The following PCSK1 variants were observed in gnomAD, a reference collection of about 807,000 sequenced individuals.
PCSK1 encodes proprotein convertase subtilisin/kexin type 1, also known as neuroendocrine convertase 1.
PCSK1 carries 56 observed loss-of-function variants against 90.6 expected under a neutral mutation model. The ratio of observed to expected loss-of-function variants is 0.62; its 90% CI spans 0.50 to 0.77. PCSK1 has a LOEUF of 0.77. Ranked by LOEUF, PCSK1 falls within the 30% of genes least tolerant of loss-of-function variation. PCSK1 has a pLI of 0.00. For synonymous variants in PCSK1, 348 were observed against 342.4 expected, an observed-to-expected ratio of 1.02 and a Z score of -0.18; for missense variants, 801 against 932.6, an observed-to-expected ratio of 0.86 and a Z score of 1.84.
rs768098698 is a variant in PCSK1, at chr5:96,431,015, G to T, written c.181-1698C>A. Among the ~76,000 whole-genome samples the T allele has an allele frequency of 3.9e-5, 6 of 152,272 alleles. No individual in the cohort carries two copies. In the East Asian group the frequency reaches 9.6e-4, roughly 24 times the overall value. On this transcript the variant is annotated intron_variant, in intron 1 of 13. Coordinates refer to ENST00000311106, the MANE Select transcript of PCSK1 (RefSeq NM_000439.5). ...GAAAAAGAAGAGAGATTTAGTTTTT[G>T]CTGTCTTCCCCAGTCTCCTCCTACA...
At chr5:96,399,626 A>T (rs1437729051) in intron 10 of PCSK1, among the ~76,000 whole-genome samples, 6 of 152,166 alleles carry the variant, frequency 3.9e-5, no homozygotes, top group African/African-American at 7.2e-5. Flanking sequence ...GATGCATTTT[A>T]AAAAAATAGT....
At chr5:96,411,072 G>T in intron 7 of PCSK1, 86 bp from the exon 8 acceptor site, 7 of 964,700 alleles carry the variant, frequency 7.3e-6, no homozygotes, top group Non-Finnish European at 1.2e-5. Flanking sequence ...ACGACTACAT[G>T]TGTGAAATTC....
At chr5:96,415,898 T>G in intron 6 of PCSK1, 135 bp downstream of exon 6, 1 of 688,522 alleles carries the variant, frequency 1.5e-6, no homozygotes, top group Non-Finnish European at 2.7e-6. Flanking sequence ...CATATTCAAG[T>G]CCTGTAGCAA....
intron 4 of PCSK1, among the ~76,000 whole-genome samples, chr5:96,422,584 C>A (rs758928052): frequency 9.8e-5 from 15 of 152,302 alleles, no homozygotes; most frequent in Admixed American, 2.6e-4. Flanking sequence ...ATATTTCAAT[C>A]ATTCCTAATT....
At chr5:96,424,371 G>A (rs1238419210) in intron 3 of PCSK1, among the ~76,000 whole-genome samples, 1 of 152,114 alleles carries the variant, frequency 6.6e-6, no homozygotes, top group African/African-American at 2.4e-5. Context: ...AGAGAAGAAG[G>A]CCTCTATGTC....
At chr5:96,416,001 T>C (rs190056821) in intron 6 of PCSK1, 32 bp downstream of exon 6, 176 of 1,369,060 alleles carry the variant, frequency 1.3e-4, no homozygotes, top group Non-Finnish European at 1.4e-5. Flanking sequence ...CACATTAAAA[T>C]GCCAAGCTAT....
intron 12 of PCSK1, among the ~76,000 whole-genome samples, chr5:96,396,561 C>CAAAA (rs368951852): frequency 2.3e-4 from 28 of 122,422 alleles, no homozygotes; most frequent in Admixed American, 2.4e-4. Context: ...GACTCCGTCT[C>CAAAA]AAAAAAAAAA....
At chr5:96,427,053 G>T (rs958393206) in intron 2 of PCSK1, among the ~76,000 whole-genome samples, 3 of 152,184 alleles carry the variant, frequency 2.0e-5, no homozygotes, top group Non-Finnish European at 4.4e-5. Flanking sequence ...GAAGCTGACT[G>T]CTAGGGAATA....
Position 96,433,138 on chromosome 5 carries a change from G to T in PCSK1, c.-96C>A, listed in dbSNP as rs35753085. On this transcript the variant is annotated 5_prime_UTR_variant, in exon 1 of 14. Transcript: ENST00000311106. ...ACAGACTCCCCCTTCCCACCCTCGG[G>T]CTCTAGACCACTCCTGGCTCCTGGT... The T allele has an allele frequency of 2.8e-5, 32 of 1,157,662 alleles. No homozygotes were observed. The highest frequency in any genetic ancestry group is 6.8e-5 in the Admixed American group (4 of 58,526). 71.7% of individuals were successfully genotyped at this position (1,157,662 alleles called of 1,614,324 possible).
At chr5:96,401,887 T>C (rs917576925) in intron 9 of PCSK1, among the ~76,000 whole-genome samples, 3 of 152,220 alleles carry the variant, frequency 2.0e-5, no homozygotes, top group Admixed American at 6.5e-5. Context: ...AGACTGAACA[T>C]GCCTAAGTGC....
At position 96,412,418 on chromosome 5, in the gene PCSK1, A is replaced by C. The variant is rs139602265; in HGVS notation, c.782T>G (p.Val261Gly). The C allele has an allele frequency of 6.2e-7, 1 of 1,613,900 alleles. No homozygotes were observed. The highest frequency in any genetic ancestry group is 2.2e-5 in the East Asian group (1 of 44,882). ...GCCCCAGCTTGCACTGTAAATATCC[A>C]CGTGTCCAGGATTGAATCCAATTGA... ...ASSIGFNPGH[V>G]DIYSASWGPN... The change falls in exon 7 of 14, where the codon GTG becomes GGG. Residue 261 changes from valine (V) to glycine (G), a missense_variant. Val to Gly is a moderately radical substitution (Grantham distance 109). Coordinates refer to ENST00000311106, the MANE Select transcript of PCSK1 (RefSeq NM_000439.5).
At chr5:96,427,464 A>G (rs1761344923) in intron 2 of PCSK1, among the ~76,000 whole-genome samples, 1 of 152,172 alleles carries the variant, frequency 6.6e-6, no homozygotes, top group Non-Finnish European at 1.5e-5. Flanking sequence ...TCAACCTTCC[A>G]ATGCAAGTTT....
intron 9 of PCSK1, among the ~76,000 whole-genome samples, chr5:96,407,639 C>T (rs1476956817): frequency 6.6e-6 from 1 of 152,154 alleles, no homozygotes; most frequent in African/African-American, 2.4e-5. Context: ...CTAATATTTA[C>T]TGACAATGGT....
chr5:96,400,839 G>A (rs1760333026), intron 9 of PCSK1, among the ~76,000 whole-genome samples: 1 of 139,962 alleles, frequency 7.1e-6, no homozygotes, highest in Non-Finnish European at 1.5e-5. Flanking sequence ...TGTAATCCCA[G>A]CACTTTGGGA....
intron 5 of PCSK1, among the ~76,000 whole-genome samples, chr5:96,417,112 G>A (rs1361790537): frequency 1.3e-5 from 2 of 152,146 alleles, no homozygotes; most frequent in Non-Finnish European, 2.9e-5. Context: ...AATAATGTTG[G>A]CCAGTTACAT....
In PCSK1 at chr5:96,416,069, A is replaced by G; in HGVS notation, c.673T>C (p.Cys225Arg). The change falls in exon 6 of 14, where the codon TGC becomes CGC. Residue 225 changes from cysteine to arginine, a missense_variant. Physicochemically the swap from Cys to Arg is radical, Grantham distance 180 (BLOSUM62 -3). Coordinates refer to ENST00000311106, the MANE Select transcript of PCSK1 (RefSeq NM_000439.5). ...EIAMQANNHK[C>R]GVGVAYNSKV... ...GAATTGTATGCAACTCCAACCCCGCATTTGTGATTATTTGCTTGCATGGCA... is the reference window on the plus strand; with the variant it reads ...GAATTGTATGCAACTCCAACCCCGCGTTTGTGATTATTTGCTTGCATGGCA... 6.2e-7 allele frequency: 1 copy of G among 1,613,192 alleles called. No homozygotes were observed. Among genetic ancestry groups the G allele is most frequent in the Non-Finnish European group, 8.5e-7 (1 of 1,179,212 alleles).
intron 3 of PCSK1, among the ~76,000 whole-genome samples, chr5:96,425,074 A>G (rs1761264901): frequency 1.3e-5 from 2 of 148,192 alleles, no homozygotes; most frequent in Admixed American, 1.3e-4. Flanking sequence ...GAAAGAAAGA[A>G]AACGTAGGGT....
At chr5:96,400,389 TA>T (rs1214966402) in intron 9 of PCSK1, among the ~76,000 whole-genome samples, 1 of 152,264 alleles carries the variant, frequency 6.6e-6, no homozygotes, top group Non-Finnish European at 1.5e-5. Flanking sequence ...CCCTGTAACA[TA>T]TAAGTTATGA....
intron 6 of PCSK1, among the ~76,000 whole-genome samples, chr5:96,414,147 A>G (rs1405618950): frequency 6.6e-6 from 1 of 151,696 alleles, no homozygotes; most frequent in Non-Finnish European, 1.5e-5. Flanking sequence ...TAAAAAAAAA[A>G]AAAAAAAATC....
Sources: gnomAD v4.1 joint callset for allele counts (sites outside exome capture counted in the v4.1 genomes callset) on GRCh38, gnomAD v4.1.1 for gene constraint, MANE v1.5 for transcripts, NCBI Gene and HGNC (gene_info 2026-07-23, HGNC 2026-07-21) for gene names.